C13orf42: variants seen among roughly 807,000 people sequenced by gnomAD.
The protein encoded by C13orf42 is chromosome 13 open reading frame 42, also known as uncharacterized protein C13orf42.
intron 1 of C13orf42, among the ~76,000 whole-genome samples, chr13:51,147,400 C>T (rs1253430057): frequency 6.6e-6 from 1 of 151,618 alleles, no homozygotes; most frequent in Non-Finnish European, 1.5e-5. Flanking sequence ...ACAGTGGCTG[C>T]TGTGATCCTC....
At chr13:51,150,637 C>T (rs1953771448) in intron 1 of C13orf42, among the ~76,000 whole-genome samples, 1 of 152,150 alleles carries the variant, frequency 6.6e-6, no homozygotes, top group Admixed American at 6.5e-5. Context: ...GCAGCTTTGG[C>T]CATCCTAAAA....
intron 1 of C13orf42, among the ~76,000 whole-genome samples, chr13:51,128,007 C>G (rs1953589387): frequency 6.6e-6 from 1 of 152,194 alleles, no homozygotes; most frequent in Non-Finnish European, 1.5e-5. Flanking sequence ...CCAAAACCTA[C>G]CAACACCAAG....
At chr13:51,158,378 T>C (rs946948700) in intron 1 of C13orf42, among the ~76,000 whole-genome samples, 1 of 152,366 alleles carries the variant, frequency 6.6e-6, no homozygotes, top group South Asian at 2.1e-4. Context: ...AGGGATAATT[T>C]CTACTTTGCT....
intron 1 of C13orf42, among the ~76,000 whole-genome samples, chr13:51,123,508 A>G (rs931421478): frequency 3.3e-5 from 5 of 152,218 alleles, no homozygotes; most frequent in African/African-American, 1.2e-4. Flanking sequence ...GGGAAATACA[A>G]TCTTAGCATG....
chr13:51,110,116 G>A (rs1330336526), intron 1 of C13orf42, among the ~76,000 whole-genome samples: 1 of 152,192 alleles, frequency 6.6e-6, no homozygotes. Context: ...CTGGTCTGAG[G>A]TACAGATGGA....
At chr13:51,103,128 T>G (rs2137993067) in intron 1 of C13orf42, among the ~76,000 whole-genome samples, 1 of 152,160 alleles carries the variant, frequency 6.6e-6, no homozygotes, top group Middle Eastern at 3.4e-3. Context: ...AGCCATGGGG[T>G]TCCATAGGGT....
At chr13:51,120,448 C>T (rs970175365) in intron 1 of C13orf42, among the ~76,000 whole-genome samples, 5 of 152,176 alleles carry the variant, frequency 3.3e-5, no homozygotes, top group African/African-American at 1.2e-4. Flanking sequence ...CTGCTGTATC[C>T]ACATTGCCCT....
At chr13:51,161,894 C>T (rs1953867455) in intron 1 of C13orf42, 1 of 490,504 alleles carries the variant, frequency 2.0e-6, no homozygotes, top group South Asian at 1.6e-5. Flanking sequence ...TCTGGCAAGG[C>T]CTGCATCCAA....
intron 1 of C13orf42, among the ~76,000 whole-genome samples, chr13:51,143,070 CTGTATA>C: frequency 6.6e-6 from 1 of 152,246 alleles, no homozygotes; most frequent in Non-Finnish European, 1.5e-5. Flanking sequence ...ATGTATCTTC[CTGTATA>C]TGCTTTTAAA....
intron 1 of C13orf42, among the ~76,000 whole-genome samples, chr13:51,108,743 T>TA (rs2138000877): frequency 6.6e-6 from 1 of 152,260 alleles, no homozygotes; most frequent in South Asian, 2.1e-4. Context: ...ACACAGCTGG[T>TA]AAATAGCAGA....
rs894651200 is a variant in C13orf42, at chr13:51,088,089, A to C, written c.415-14T>G. 1 of 398,762 alleles carries C rather than the reference A, an allele frequency of 2.5e-6. No homozygotes were observed. Among genetic ancestry groups the C allele is most frequent in the Non-Finnish European group, 4.4e-6 (1 of 226,164 alleles). The allele number at this position is 398,762 out of a possible 1,614,324, so 24.7% of individuals were successfully genotyped here. A position where few individuals can be genotyped will look rare whatever the true frequency, so the allele number is the denominator to read the frequency against. The stretch of plus-strand genomic sequence containing the variant: ...TGGGGTTGCTTTCTGCAAGAGGTGA[A>C]GGGGAGAAGAGAGAGTTGCCTGAGC... On this transcript the variant is annotated splice_polypyrimidine_tract_variant and intron_variant, in intron 1 of 3. Coordinates refer to ENST00000563710, the MANE Select transcript of C13orf42 (RefSeq NM_001351589.3).
At position 51,085,493 on chromosome 13, in the gene C13orf42, G is replaced by T. The variant is rs1953112651; in HGVS notation, c.629C>A (p.Ser210Tyr). The T allele has an allele frequency of 2.5e-6, 1 of 398,546 alleles. No individual in the cohort carries two copies. The highest frequency in any genetic ancestry group is 4.4e-6 in the Non-Finnish European group (1 of 226,100). The allele number at this position is 398,546 out of a possible 1,614,324, so 24.7% of individuals were successfully genotyped here. The change falls in exon 3 of 4, where the codon TCC (serine) becomes TAC (tyrosine). Residue 210 changes from serine (S) to tyrosine (Y), a missense_variant. By Grantham distance (144) the Ser-to-Tyr change is moderately radical (BLOSUM62 -2). Transcript: ENST00000563710. ...CACAGTGTGGGCAGCGATATCCTCGGAGTGTCTGCGCGGTGCCCGCAGGAT... is the reference window on the plus strand; with the variant it reads ...CACAGTGTGGGCAGCGATATCCTCGTAGTGTCTGCGCGGTGCCCGCAGGAT... ...NWILRAPRRHSEDIAAHTVHT... is the reference protein window; with the variant it reads ...NWILRAPRRHYEDIAAHTVHT...
intron 1 of C13orf42, among the ~76,000 whole-genome samples, chr13:51,169,126 C>A (rs998547926): frequency 1.3e-5 from 2 of 152,098 alleles, no homozygotes; most frequent in African/African-American, 4.8e-5. Flanking sequence ...GTGGAAACAA[C>A]ATTGGAACTT....
intron 1 of C13orf42, among the ~76,000 whole-genome samples, chr13:51,119,425 C>G (rs1369063435): frequency 1.3e-5 from 2 of 152,074 alleles, no homozygotes; most frequent in African/African-American, 2.4e-5. Context: ...TCTAGCAGAG[C>G]CAGAAAAGCA....
chr13:51,158,652 A>G (rs1219209892), intron 1 of C13orf42, among the ~76,000 whole-genome samples: 4 of 152,214 alleles, frequency 2.6e-5, no homozygotes, highest in Admixed American at 2.6e-4. Flanking sequence ...GGTCCCACGC[A>G]ACACCACAGA....
chr13:51,161,939 C>A, intron 1 of C13orf42: 1 of 491,776 alleles, frequency 2.0e-6, no homozygotes, highest in Non-Finnish European at 4.0e-6. Flanking sequence ...ACCATCAGTG[C>A]TTCCCACGTT....
intron 1 of C13orf42, among the ~76,000 whole-genome samples, chr13:51,148,595 G>A (rs1236310384): frequency 6.6e-6 from 1 of 152,188 alleles, no homozygotes; most frequent in Non-Finnish European, 1.5e-5. Flanking sequence ...CCCCCTGGAG[G>A]GGGGTCCAAT....
intron 1 of C13orf42, among the ~76,000 whole-genome samples, chr13:51,105,176 G>A (rs1414435009): frequency 6.6e-6 from 1 of 152,232 alleles, no homozygotes; most frequent in African/African-American, 2.4e-5. Flanking sequence ...CCTGGGCTCA[G>A]AAGGGGCTGG....
chr13:51,091,387 C>T (rs1289687126), intron 1 of C13orf42, among the ~76,000 whole-genome samples: 5 of 152,198 alleles, frequency 3.3e-5, no homozygotes, highest in Admixed American at 6.5e-5. Flanking sequence ...TTAGTCCCCC[C>T]ACTGCCTTGC....
Sources: gnomAD v4.1 joint callset for allele counts (sites outside exome capture counted in the v4.1 genomes callset) on GRCh38, gnomAD v4.1.1 for gene constraint, MANE v1.5 for transcripts, NCBI Gene and HGNC (gene_info 2026-07-23, HGNC 2026-07-21) for gene names.